Variants in PSD3 observed in about 807,000 individuals in gnomAD.
The protein encoded by PSD3 is PH and SEC7 domain-containing protein 3.
PSD3 carries 49 observed loss-of-function variants against 105.5 expected under a neutral mutation model. The observed-to-expected ratio is 0.46, with a 90% CI of 0.37 to 0.59. PSD3 has a LOEUF of 0.59. Among genes scored for constraint, PSD3 ranks in the 20% least tolerant of loss-of-function variants. The probability of loss-of-function intolerance (pLI) is 0.00; values close to 1 mark genes in which losing one functional copy is unlikely to be tolerated. For missense variants in PSD3, 1,561 were observed against 1,263.8 expected (o/e 1.24, Z -3.57); for synonymous variants, 557 against 457.8 (o/e 1.22, Z -2.77).
chr8:19,080,251 G>A (rs1489913064), intron 1 of PSD3, among the ~76,000 whole-genome samples: 1 of 152,172 alleles, frequency 6.6e-6, no homozygotes, highest in African/African-American at 2.4e-5. Context: ...TGTATTCATA[G>A]ATGCATAGGT....
intron 9 of PSD3, among the ~76,000 whole-genome samples, chr8:18,764,236 C>T (rs1324849621): frequency 2.6e-5 from 4 of 152,106 alleles, no homozygotes; most frequent in Non-Finnish European, 5.9e-5. Context: ...CATAATTTTC[C>T]ATGCAAATAT....
At chr8:18,782,123 G>T (rs1348239746) in intron 8 of PSD3, among the ~76,000 whole-genome samples, 1 of 151,468 alleles carries the variant, frequency 6.6e-6, no homozygotes, top group African/African-American at 2.4e-5. Flanking sequence ...GTAGTACCTG[G>T]GTTTTCAGAA....
chr8:19,035,872 A>G (rs1827925680), intron 1 of PSD3, among the ~76,000 whole-genome samples: 1 of 151,958 alleles, frequency 6.6e-6, no homozygotes, highest in Non-Finnish European at 1.5e-5. Context: ...CTTCTGCCTC[A>G]TCCTCTCAAG....
intron 1 of PSD3, among the ~76,000 whole-genome samples, chr8:18,999,305 G>A (rs1826245428): frequency 6.6e-6 from 1 of 151,884 alleles, no homozygotes; most frequent in East Asian, 1.9e-4. Flanking sequence ...GGGAAGACAT[G>A]CTGGCTGATG....
At chr8:18,821,433 T>G (rs77379628) in intron 4 of PSD3, among the ~76,000 whole-genome samples, 5,634 of 152,184 alleles carry the variant, frequency 0.037, 119 homozygotes, top group Admixed American at 0.067. Context: ...CTTGAGATTA[T>G]AGGTAACTAT....
At chr8:18,878,319 T>A (rs1817869715) in intron 2 of PSD3, among the ~76,000 whole-genome samples, 1 of 152,186 alleles carries the variant, frequency 6.6e-6, no homozygotes. Flanking sequence ...GAGCATATAA[T>A]AACATATTTG....
chr8:18,953,029 C>T (rs946707872), intron 1 of PSD3, among the ~76,000 whole-genome samples: 1 of 152,148 alleles, frequency 6.6e-6, no homozygotes, highest in Non-Finnish European at 1.5e-5. Flanking sequence ...TCCAACACAT[C>T]AATAACCCAG....
intron 1 of PSD3, among the ~76,000 whole-genome samples, chr8:19,071,217 G>A (rs1288490608): frequency 6.6e-6 from 1 of 152,046 alleles, no homozygotes; most frequent in Non-Finnish European, 1.5e-5. Context: ...GCACCACCAT[G>A]CCCGGTTAAT....
intron 15 of PSD3, among the ~76,000 whole-genome samples, chr8:18,548,530 T>C (rs1045134559): frequency 6.6e-6 from 1 of 152,166 alleles, no homozygotes; most frequent in Non-Finnish European, 1.5e-5. Context: ...ACATATCTAC[T>C]CTATACTTCT....
At chr8:18,857,530 G>A (rs893367490) in intron 4 of PSD3, among the ~76,000 whole-genome samples, 5 of 152,162 alleles carry the variant, frequency 3.3e-5, no homozygotes, top group South Asian at 2.1e-4. Context: ...AATCTCTGAC[G>A]GTGAAGGCTG....
chr8:18,731,429 A>G (rs1253475316), intron 9 of PSD3, among the ~76,000 whole-genome samples: 1 of 152,218 alleles, frequency 6.6e-6, no homozygotes, highest in African/African-American at 2.4e-5. Context: ...GGCAACTTAG[A>G]TTCTCTATAC....
At chr8:18,601,089 G>C (rs1453263634) in intron 11 of PSD3, among the ~76,000 whole-genome samples, 1 of 152,020 alleles carries the variant, frequency 6.6e-6, no homozygotes, top group Admixed American at 6.6e-5. Context: ...TCACCAAATC[G>C]AGTATACTGC....
chr8:18,991,043 G>A (rs1429467509), intron 1 of PSD3, among the ~76,000 whole-genome samples: 1 of 152,116 alleles, frequency 6.6e-6, no homozygotes, highest in Non-Finnish European at 1.5e-5. Flanking sequence ...ATACATAACT[G>A]GGGTAGAAGA....
rs577642622 is a variant in PSD3 at position 18,838,888 on chromosome 8, T to C, written c.1634+28786A>G. 2.0e-5 allele frequency among the ~76,000 whole-genome samples: 3 copies of C among 151,436 alleles called. No individual in the cohort carries two copies. In the East Asian group the frequency reaches 5.8e-4, roughly 29 times the overall value. On this transcript the variant is annotated intron_variant, in intron 4 of 15. Transcript: ENST00000327040. Reference sequence around the variant, plus strand: ...AGTAAGACTTCAGTGGCTCACAAGCTAGTAAACTGCATTTCAAAAGGTTTT... The same window carrying C: ...AGTAAGACTTCAGTGGCTCACAAGCCAGTAAACTGCATTTCAAAAGGTTTT...
At chr8:19,049,716 A>T (rs1828451583) in intron 1 of PSD3, among the ~76,000 whole-genome samples, 1 of 139,446 alleles carries the variant, frequency 7.2e-6, no homozygotes, top group Non-Finnish European at 1.6e-5. Flanking sequence ...AAAAAAAAAA[A>T]GACAATAGTG....
chr8:18,683,495 AAAC>A (rs879793122), intron 9 of PSD3, among the ~76,000 whole-genome samples: 73 of 152,326 alleles, frequency 4.8e-4, no homozygotes, highest in African/African-American at 1.7e-3. Context: ...TCGATGTGCC[AAAC>A]AACAGTTTCC....
At chr8:18,659,842 G>GAA (rs1206562182) in intron 9 of PSD3, among the ~76,000 whole-genome samples, 3 of 152,122 alleles carry the variant, frequency 2.0e-5, no homozygotes, top group Non-Finnish European at 4.4e-5. Flanking sequence ...CTATGGCTCA[G>GAA]AAAAACAACT....
chr8:18,780,689 G>A (rs1040171193), intron 8 of PSD3, among the ~76,000 whole-genome samples: 1 of 152,076 alleles, frequency 6.6e-6, no homozygotes, highest in Non-Finnish European at 1.5e-5. Context: ...GAGTAGCTGG[G>A]ACTACAGGTG....
At chr8:18,763,370 AAG>A (rs1806702368) in intron 9 of PSD3, among the ~76,000 whole-genome samples, 1 of 152,146 alleles carries the variant, frequency 6.6e-6, no homozygotes, top group Admixed American at 6.5e-5. Flanking sequence ...GTGGCAAAGA[AAG>A]AGAGAATGAC....
Sources: gnomAD v4.1 joint callset for allele counts (sites outside exome capture counted in the v4.1 genomes callset) on GRCh38, gnomAD v4.1.1 for gene constraint, MANE v1.5 for transcripts, NCBI Gene and HGNC (gene_info 2026-07-23, HGNC 2026-07-21) for gene names.